MARCHF1: variants seen among roughly 807,000 people sequenced by gnomAD.
MARCHF1 encodes the protein E3 ubiquitin-protein ligase MARCHF1.
MARCHF1 carries 40 observed loss-of-function variants against 54.2 expected under a neutral mutation model. The observed-to-expected ratio is 0.74, with a 90% confidence interval of 0.57 to 0.96. MARCHF1 has a LOEUF of 0.96. MARCHF1 is among the 40% of genes least tolerant of loss of function. MARCHF1 has a pLI of 0.00. For missense variants in MARCHF1, 586 were observed against 656.5 expected (o/e 0.89, Z 1.17); for synonymous variants, 236 against 236.3 (o/e 1.00, Z 0.01).
intron 5 of MARCHF1, among the ~76,000 whole-genome samples, chr4:163,668,471 C>T (rs1743617526): frequency 6.6e-6 from 1 of 152,072 alleles, no homozygotes; most frequent in Admixed American, 6.6e-5. Flanking sequence ...AAAAGAATGA[C>T]TCATTCTAAG....
At chr4:163,664,469 T>C (rs184497603) in intron 5 of MARCHF1, among the ~76,000 whole-genome samples, 6 of 152,192 alleles carry the variant, frequency 3.9e-5, no homozygotes, top group Admixed American at 3.9e-4. Context: ...ACTTAAAATG[T>C]TTTCTTTGAA....
At chr4:164,310,294 T>C (rs1399445986) in intron 1 of MARCHF1, among the ~76,000 whole-genome samples, 1 of 152,068 alleles carries the variant, frequency 6.6e-6, no homozygotes, top group Non-Finnish European at 1.5e-5. Flanking sequence ...GCCAGGATGG[T>C]CTTGATCTCT....
At chr4:163,543,397 T>C (rs7671852) in intron 9 of MARCHF1, among the ~76,000 whole-genome samples, 7 of 150,796 alleles carry the variant, frequency 4.6e-5, no homozygotes, top group African/African-American at 1.5e-4. Flanking sequence ...GTGAAAGCTG[T>C]GTATCTGGGT....
chr4:164,185,210 T>A (rs1336401349), intron 1 of MARCHF1, among the ~76,000 whole-genome samples: 2 of 152,224 alleles, frequency 1.3e-5, no homozygotes, highest in Non-Finnish European at 2.9e-5. Flanking sequence ...GATTTGTGTT[T>A]GTATTTGCTG....
chr4:163,712,744 C>T (rs1401929039), intron 4 of MARCHF1, among the ~76,000 whole-genome samples: 1 of 152,134 alleles, frequency 6.6e-6, no homozygotes, highest in Non-Finnish European at 1.5e-5. Flanking sequence ...GACTTAAATA[C>T]GGATCAGAAC....
intron 1 of MARCHF1, among the ~76,000 whole-genome samples, chr4:164,346,714 C>A (rs1231844879): frequency 7.3e-6 from 1 of 136,082 alleles, no homozygotes; most frequent in Non-Finnish European, 1.6e-5. Flanking sequence ...AATGCTTATT[C>A]TTTTCATTTC....
At chr4:164,140,271 C>A (rs374510374) in intron 1 of MARCHF1, among the ~76,000 whole-genome samples, 1 of 144,676 alleles carries the variant, frequency 6.9e-6, no homozygotes, top group Non-Finnish European at 1.5e-5. Context: ...GAAACTGACC[C>A]AATTGTCCTA....
At chr4:164,340,147 T>A (rs1036334462) in intron 1 of MARCHF1, among the ~76,000 whole-genome samples, 1 of 151,344 alleles carries the variant, frequency 6.6e-6, no homozygotes, top group Admixed American at 6.6e-5. Flanking sequence ...ACTGGTAAAG[T>A]CTACAAAATA....
In MARCHF1 at chr4:164,100,355, A is replaced by T. The variant is rs187539477; in HGVS notation, c.-248+11233T>A. On this transcript the variant is annotated intron_variant, in intron 2 of 9. Transcript: ENST00000514618. ...TGACGGTATGTGGTATATCTCCAAC[A>T]CCTGTCCAAATCTTCTCATAGACAT... 2.2e-4 allele frequency among the ~76,000 whole-genome samples: 34 copies of T among 152,326 alleles called. 1 individual carries two copies. The East Asian group carries it at 6.4e-3, about 29-fold the overall frequency.
chr4:164,339,516 T>C (rs1025220906), intron 1 of MARCHF1, among the ~76,000 whole-genome samples: 2 of 152,134 alleles, frequency 1.3e-5, no homozygotes, highest in Middle Eastern at 3.4e-3. Context: ...TAAAATGTCT[T>C]GAGGCAAAAA....
intron 3 of MARCHF1, among the ~76,000 whole-genome samples, chr4:163,969,405 T>C (rs919266142): frequency 6.6e-6 from 1 of 152,166 alleles, no homozygotes; most frequent in Non-Finnish European, 1.5e-5. Flanking sequence ...CTTGTCAGTG[T>C]GGTGATATAT....
chr4:164,056,810 A>G (rs549722299), intron 2 of MARCHF1, among the ~76,000 whole-genome samples: 24 of 152,272 alleles, frequency 1.6e-4, no homozygotes, highest in Admixed American at 1.5e-3. Flanking sequence ...GGGACAATGG[A>G]GCAAATGCCA....
intron 3 of MARCHF1, among the ~76,000 whole-genome samples, chr4:163,874,120 G>A (rs1579357165): frequency 6.6e-6 from 1 of 152,312 alleles, no homozygotes; most frequent in East Asian, 1.9e-4. Flanking sequence ...TCTAGCAAAA[G>A]AGATAGAGGC....
At chr4:163,852,763 G>C (rs144505247) in intron 4 of MARCHF1, among the ~76,000 whole-genome samples, 187 of 152,218 alleles carry the variant, frequency 1.2e-3, no homozygotes, top group African/African-American at 4.3e-3. Flanking sequence ...AACTCACTAA[G>C]GTTAATTCAA....
intron 1 of MARCHF1, among the ~76,000 whole-genome samples, chr4:164,346,921 C>T (rs1383279642): frequency 6.6e-6 from 1 of 151,790 alleles, no homozygotes; most frequent in African/African-American, 2.4e-5. Context: ...AATGTAAATA[C>T]AAAATATTTT....
At chr4:163,899,055 T>C (rs1324867261) in intron 3 of MARCHF1, among the ~76,000 whole-genome samples, 1 of 152,134 alleles carries the variant, frequency 6.6e-6, no homozygotes, top group African/African-American at 2.4e-5. Context: ...GGTTGAAAAA[T>C]TTCCTGTTGG....
At chr4:163,894,146 G>A (rs771465318) in intron 3 of MARCHF1, among the ~76,000 whole-genome samples, 18 of 152,036 alleles carry the variant, frequency 1.2e-4, no homozygotes, top group Non-Finnish European at 1.6e-4. Context: ...ATATTATTTC[G>A]TATTAGGGAC....
chr4:163,593,875 CTCAT>C (rs370341985), intron 7 of MARCHF1, among the ~76,000 whole-genome samples: 2 of 152,254 alleles, frequency 1.3e-5, no homozygotes, highest in African/African-American at 4.8e-5. Context: ...CATTTATTCA[CTCAT>C]TCATTCATTC....
chr4:164,108,319 C>T (rs1755752684), intron 2 of MARCHF1, among the ~76,000 whole-genome samples: 1 of 152,102 alleles, frequency 6.6e-6, no homozygotes, highest in Non-Finnish European at 1.5e-5. Context: ...TTTATTCTAT[C>T]TGTAATAACG....
Sources: gnomAD v4.1 joint callset for allele counts (sites outside exome capture counted in the v4.1 genomes callset) on GRCh38, gnomAD v4.1.1 for gene constraint, MANE v1.5 for transcripts, NCBI Gene and HGNC (gene_info 2026-07-23, HGNC 2026-07-21) for gene names.